The following SHISA9 variants were observed in gnomAD, a reference collection of about 807,000 sequenced individuals.
SHISA9 encodes the protein shisa family member 9, also known as protein shisa-9.
SHISA9 carries 13 observed loss-of-function variants against 38.0 expected under a neutral mutation model. The ratio of observed to expected loss-of-function variants is 0.34; its 90% confidence interval spans 0.22 to 0.54. SHISA9 has a LOEUF of 0.54. SHISA9 is among the 20% of genes least tolerant of loss of function. The pLI is 0.91. For synonymous variants in SHISA9, 275 were observed against 242.0 expected (o/e 1.14, Z -1.27); for missense variants, 538 against 575.8 (o/e 0.93, Z 0.67).
the SHISA9 span, among the ~76,000 whole-genome samples, chr16:13,426,162 C>T: frequency 1.3e-5 from 2 of 152,192 alleles, no homozygotes; most frequent in African/African-American, 4.8e-5. Flanking sequence ...TAAGCTGCAA[C>T]TTGCTGTAAT....
the SHISA9 span, among the ~76,000 whole-genome samples, chr16:13,550,381 A>G: frequency 1.3e-5 from 2 of 152,220 alleles, no homozygotes; most frequent in Non-Finnish European, 1.5e-5. Flanking sequence ...ACCTTCTATA[A>G]TTTGAACTTT....
the SHISA9 span, among the ~76,000 whole-genome samples, chr16:13,251,623 C>T: frequency 6.6e-6 from 1 of 152,310 alleles, no homozygotes; most frequent in African/African-American, 2.4e-5. Flanking sequence ...TTGGAACCCA[C>T]TTGCCCATAT....
intron 2 of SHISA9, among the ~76,000 whole-genome samples, chr16:13,032,136 C>T (rs2072998620): frequency 6.6e-6 from 1 of 152,084 alleles, no homozygotes; most frequent in Admixed American, 6.5e-5. Context: ...TTAAGCCCCG[C>T]GTGCATTAGG....
chr16:13,501,477 A>G, the SHISA9 span, among the ~76,000 whole-genome samples: 22 of 152,212 alleles, frequency 1.4e-4, no homozygotes, highest in Non-Finnish European at 3.2e-4. Flanking sequence ...AAGAGGTGTG[A>G]TATATTCATG....
chr16:13,004,110 T>A (rs922491420), intron 2 of SHISA9, among the ~76,000 whole-genome samples: 1 of 152,194 alleles, frequency 6.6e-6, no homozygotes, highest in Non-Finnish European at 1.5e-5. Flanking sequence ...GCTTTCCACC[T>A]GTTGAGGAGG....
chr16:13,252,379 A>G, the SHISA9 span, among the ~76,000 whole-genome samples: 1 of 152,212 alleles, frequency 6.6e-6, no homozygotes, highest in Non-Finnish European at 1.5e-5. Flanking sequence ...ACTGGCATGT[A>G]GTGCATAGAG....
chr16:13,411,585 C>G, the SHISA9 span, among the ~76,000 whole-genome samples: 4 of 152,224 alleles, frequency 2.6e-5, no homozygotes, highest in African/African-American at 9.6e-5. Flanking sequence ...CTTGCTGTTG[C>G]TCTGCCATCC....
intron 2 of SHISA9, among the ~76,000 whole-genome samples, chr16:12,976,976 C>T (rs1017699576): frequency 6.6e-6 from 1 of 152,150 alleles, no homozygotes; most frequent in African/African-American, 2.4e-5. Flanking sequence ...AGGAGGAGAA[C>T]ATTGTAAGCT....
At chr16:12,983,273 A>G (rs1596564242) in intron 2 of SHISA9, among the ~76,000 whole-genome samples, 1 of 152,188 alleles carries the variant, frequency 6.6e-6, no homozygotes, top group East Asian at 1.9e-4. Flanking sequence ...TTGATTCCTT[A>G]TCCTGCCACT....
chr16:13,525,617 C>G, the SHISA9 span, among the ~76,000 whole-genome samples: 1 of 152,178 alleles, frequency 6.6e-6, no homozygotes, highest in Non-Finnish European at 1.5e-5. Context: ...GAAATTAATA[C>G]TTCTTTAAAC....
chr16:13,267,933 G>C, the SHISA9 span, among the ~76,000 whole-genome samples: 1 of 147,030 alleles, frequency 6.8e-6, no homozygotes, highest in Non-Finnish European at 1.5e-5. Context: ...AGACATTTCT[G>C]TGACGAATAG....
At chr16:13,020,170 G>A (rs1349564195) in intron 2 of SHISA9, among the ~76,000 whole-genome samples, 1 of 151,188 alleles carries the variant, frequency 6.6e-6, no homozygotes, top group Non-Finnish European at 1.5e-5. Context: ...GGGATTAGAG[G>A]CAAGTGCCAC....
chr16:13,384,598 C>G, the SHISA9 span, among the ~76,000 whole-genome samples: 4 of 152,188 alleles, frequency 2.6e-5, no homozygotes, highest in African/African-American at 9.7e-5. Context: ...CAGCAAACAT[C>G]TTTCAGGGTG....
At chr16:13,373,942 T>C in the SHISA9 span, among the ~76,000 whole-genome samples, 1 of 152,250 alleles carries the variant, frequency 6.6e-6, no homozygotes, top group East Asian at 1.9e-4. Flanking sequence ...AGATGGAGTT[T>C]GGGCATTAAC....
chr16:13,339,376 A>T, the SHISA9 span, among the ~76,000 whole-genome samples: 1 of 152,168 alleles, frequency 6.6e-6, no homozygotes, highest in African/African-American at 2.4e-5. Context: ...ATATCCTAAT[A>T]GCAAAGGCTC....
intron 2 of SHISA9, among the ~76,000 whole-genome samples, chr16:13,193,993 A>C (rs938239206): frequency 2.6e-5 from 4 of 152,024 alleles, no homozygotes; most frequent in African/African-American, 9.7e-5. Context: ...ATTTCCCACA[A>C]CTCATCCAAC....
At chr16:13,256,851 C>T in the SHISA9 span, among the ~76,000 whole-genome samples, 2 of 152,180 alleles carry the variant, frequency 1.3e-5, no homozygotes, top group East Asian at 1.9e-4. Flanking sequence ...GGACTGAAAA[C>T]GTTCCTTTGG....
At chr16:13,508,808 T>G in the SHISA9 span, among the ~76,000 whole-genome samples, 1 of 152,208 alleles carries the variant, frequency 6.6e-6, no homozygotes. Context: ...ATTGGCAGGT[T>G]GCTAATATTA....
chr16:13,558,452 G>A, the SHISA9 span, among the ~76,000 whole-genome samples: 4 of 152,122 alleles, frequency 2.6e-5, no homozygotes, highest in African/African-American at 9.7e-5. Context: ...GCTCCTAAGA[G>A]AAATACAGGG....
Sources: gnomAD v4.1 joint callset for allele counts (sites outside exome capture counted in the v4.1 genomes callset) on GRCh38, gnomAD v4.1.1 for gene constraint, MANE v1.5 for transcripts, NCBI Gene and HGNC (gene_info 2026-07-23, HGNC 2026-07-21) for gene names.